The following RPL35 variants were observed in gnomAD, a reference collection of about 807,000 sequenced individuals.
RPL35 encodes large ribosomal subunit protein uL29.
A neutral mutation model predicts 15.6 loss-of-function variants in RPL35; 2 were observed. That is an observed-to-expected ratio of 0.13 (90% CI 0.05 to 0.40). The LOEUF (loss-of-function observed/expected upper bound fraction) is 0.40, where lower values mean the gene tolerates loss of function less well. RPL35 is among the 10% of genes least tolerant of loss of function. The probability of loss-of-function intolerance (pLI) is 0.99; values close to 1 mark genes in which losing one functional copy is unlikely to be tolerated. For synonymous variants in RPL35, 93 were observed against 67.9 expected (o/e 1.37, Z -1.82); for missense variants, 111 against 164.7 (o/e 0.67, Z 1.79).
chr9:124,860,676 G>A (rs541974421), intron 2 of RPL35, among the ~76,000 whole-genome samples: 1 of 152,338 alleles, frequency 6.6e-6, no homozygotes, highest in African/African-American at 2.4e-5. Context: ...GGAGACTGAA[G>A]CAAACAACGA....
chr9:124,860,313 C>T (rs1829177272), intron 2 of RPL35, 49 bp from the exon 3 acceptor site: 2 of 1,466,512 alleles, frequency 1.4e-6, no homozygotes, highest in South Asian at 1.1e-5. Flanking sequence ...ATAGCACTAC[C>T]CAAGACTCAG....
chr9:124,858,977 A>T (rs1434415865), intron 3 of RPL35, among the ~76,000 whole-genome samples: 1 of 152,194 alleles, frequency 6.6e-6, no homozygotes, highest in Admixed American at 6.5e-5. Context: ...TGGAAGCAGG[A>T]AAGTCTTTGT....
intron 2 of RPL35, 168 bp downstream of exon 2, chr9:124,861,251 C>T: frequency 1.2e-6 from 1 of 837,056 alleles, no homozygotes; most frequent in South Asian, 1.7e-5. Context: ...ACCGCAAGGT[C>T]AAGGCAGGTA....
intron 3 of RPL35, 83 bp from the exon 4 acceptor site, chr9:124,858,150 C>T: frequency 6.9e-7 from 1 of 1,444,582 alleles, no homozygotes; most frequent in Non-Finnish European, 9.4e-7. Context: ...GGAGGGCCAT[C>T]CAGAGCCACT....
At position 124,858,070 on chromosome 9, in the gene RPL35, G is replaced by A; in HGVS notation, c.223-3C>T. 6.2e-7 allele frequency: 1 copy of A among 1,611,960 alleles called. No homozygotes were observed. Among genetic ancestry groups the A allele is most frequent in the East Asian group, 2.2e-5 (1 of 44,874 alleles). ...TCCAGGGGCTTGTACTTCTTGCCCT[G>A]GGAGACAGACGGCAGGGTGAATCCA... On this transcript the variant is annotated splice_region_variant and splice_polypyrimidine_tract_variant and intron_variant, in intron 3 of 3. Coordinates refer to ENST00000348462, the MANE Select transcript of RPL35 (RefSeq NM_007209.4).
intron 3 of RPL35, 23 bp from the exon 4 acceptor site, chr9:124,858,090 A>C (rs1829134330): frequency 8.7e-6 from 14 of 1,609,362 alleles, no homozygotes; most frequent in Non-Finnish European, 1.1e-5. Context: ...CGGCAGGGTG[A>C]ATCCAAGGAC....
intron 2 of RPL35, 151 bp from the exon 3 acceptor site, chr9:124,860,415 G>C (rs1325757105): frequency 5.8e-6 from 4 of 692,920 alleles, no homozygotes; most frequent in Non-Finnish European, 1.1e-5. Context: ...TGAGGTCTGA[G>C]GAGGGAAGAG....
intron 3 of RPL35, 23 bp downstream of exon 3, chr9:124,860,156 ACCCT>A: frequency 6.4e-7 from 1 of 1,574,736 alleles, no homozygotes; most frequent in Non-Finnish European, 8.7e-7. Flanking sequence ...CCTGCAGCCA[ACCCT>A]CCCTATGTCC....
intron 3 of RPL35, among the ~76,000 whole-genome samples, chr9:124,859,138 T>C (rs954878508): frequency 6.6e-6 from 1 of 152,234 alleles, no homozygotes; most frequent in Admixed American, 6.5e-5. Flanking sequence ...ACACACGTGC[T>C]AGTGTCCCCT....
intron 3 of RPL35, among the ~76,000 whole-genome samples, chr9:124,859,365 G>A (rs3780591): frequency 0.13 from 19,913 of 152,248 alleles, 1,616 homozygotes; most frequent in Admixed American, 0.23. Context: ...GGGTAGTGAT[G>A]TGGAACCATT....
rs144542585 is a variant in RPL35 at position 124,858,041 on chromosome 9, C to A, written c.249G>T (p.Leu83=). 8.7e-6 allele frequency: 14 copies of A among 1,612,462 alleles called. No individual in the cohort carries two copies. The highest frequency in any genetic ancestry group is 1.2e-5 in the Non-Finnish European group (14 of 1,180,022). ...GCATGGCACGTGTCTTCTTAGGCCGCAGGTCCAGGGGCTTGTACTTCTTGC... is the reference window on the plus strand; with the variant it reads ...GCATGGCACGTGTCTTCTTAGGCCGAAGGTCCAGGGGCTTGTACTTCTTGC... The part of the protein sequence containing the change: ...YKGKKYKPLD[L]RPKKTRAMRR... The change falls in exon 4 of 4, where the codon CTG becomes CTT. Residue 83 remains leucine (L), a synonymous_variant. Transcript: ENST00000348462.
At chr9:124,861,266 G>A in intron 2 of RPL35, 153 bp downstream of exon 2, 1 of 946,198 alleles carries the variant, frequency 1.1e-6, no homozygotes, top group African/African-American at 1.6e-5. Context: ...CAGGTAAGAG[G>A]CTAAGCACAC....
At chr9:124,861,284 C>A in intron 2 of RPL35, 135 bp downstream of exon 2, 1 of 1,119,002 alleles carries the variant, frequency 8.9e-7, no homozygotes, top group Non-Finnish European at 1.3e-6. Context: ...CACAACGGGT[C>A]TCCCATGCGC....
rs201020859 is a variant in RPL35, at chr9:124,861,916, T to G, written c.-4A>C. The G allele has an allele frequency of 2.1e-5, 34 of 1,598,904 alleles. No individual in the cohort carries two copies. The Admixed American group carries it at 2.9e-4, about 14-fold the overall frequency. On this transcript the variant is annotated 5_prime_UTR_variant, in exon 1 of 4. Transcript: ENST00000348462. ...CCGATTCCGCAGCTCTCACCATTGC[T>G]GCACAAGCCGCCAACGCCGCCGCCC... is the stretch of plus-strand genomic sequence containing the variant.
At chr9:124,860,444 G>C (rs1241995487) in intron 2 of RPL35, among the ~76,000 whole-genome samples, 180 bp from the exon 3 acceptor site, 1 of 152,332 alleles carries the variant, frequency 6.6e-6, no homozygotes, top group African/African-American at 2.4e-5. Context: ...GGGAGAGACA[G>C]CAGAGGCTTT....
chr9:124,861,659 G>T (rs972637760), intron 1 of RPL35, 104 bp from the exon 2 acceptor site: 2 of 1,506,576 alleles, frequency 1.3e-6, no homozygotes, highest in Non-Finnish European at 1.8e-6. Flanking sequence ...GACTACGAGT[G>T]CGCCGGAGCC....
At chr9:124,859,672 CA>C (rs1474503057) in intron 3 of RPL35, among the ~76,000 whole-genome samples, 1 of 152,144 alleles carries the variant, frequency 6.6e-6, no homozygotes, top group Non-Finnish European at 1.5e-5. Context: ...AAATGGTTAT[CA>C]AAATTCAAGA....
At chr9:124,858,461 G>A (rs538982440) in intron 3 of RPL35, 63 of 716,378 alleles carry the variant, frequency 8.8e-5, no homozygotes, top group African/African-American at 6.6e-4. Flanking sequence ...CCATTACCTC[G>A]GCTCTGGTTA....
chr9:124,861,484 C>T lies in RPL35; in HGVS notation c.75G>A (p.Lys25=), dbSNP rs546547487. Reference sequence around the variant, plus strand: ...CGACGCGCAGCTGGGACAGCTCCACCTTCAGGTCGTCCAGCTGTTTCAGCA... The same window carrying T: ...CGACGCGCAGCTGGGACAGCTCCACTTTCAGGTCGTCCAGCTGTTTCAGCA... ...EELLKQLDDL[K]VELSQLRVAK... The change falls in exon 2 of 4, where the codon AAG becomes AAA. Residue 25 remains lysine, a synonymous_variant. Transcript: ENST00000348462. 1.9e-6 allele frequency: 3 copies of T among 1,614,048 alleles called. No individual in the cohort carries two copies. The highest frequency in any genetic ancestry group is 2.2e-5 in the South Asian group (2 of 91,078).
Sources: gnomAD v4.1 joint callset for allele counts (sites outside exome capture counted in the v4.1 genomes callset) on GRCh38, gnomAD v4.1.1 for gene constraint, MANE v1.5 for transcripts, NCBI Gene and HGNC (gene_info 2026-07-23, HGNC 2026-07-21) for gene names.